The following EPAS1 variants were observed in gnomAD, a reference collection of about 807,000 sequenced individuals.
The protein encoded by EPAS1 is endothelial PAS domain protein 1, also known as endothelial PAS domain-containing protein 1.
In EPAS1, 23 loss-of-function variants were observed where a neutral mutation model predicts 87.9. That is an observed-to-expected ratio of 0.26 (90% CI 0.19 to 0.37). The LOEUF (loss-of-function observed/expected upper bound fraction) is 0.37, where lower values mean the gene tolerates loss of function less well. Ranked by LOEUF, EPAS1 falls within the 10% of genes least tolerant of loss-of-function variation. The pLI is 1.00. For synonymous variants in EPAS1, 508 were observed against 444.3 expected, an observed-to-expected ratio of 1.14 and a Z score of -1.80; for missense variants, 1,138 against 1,120.7, an observed-to-expected ratio of 1.02 and a Z score of -0.22.
chr2:46,335,716 G>T (rs1182742292), intron 1 of EPAS1: 1 of 151,758 alleles, frequency 6.6e-6, no homozygotes, highest in Non-Finnish European at 1.5e-5. Context: ...CCCACCTTAA[G>T]AGGAGCCGGA....
chr2:46,356,806 A>T lies in EPAS1; in HGVS notation c.452A>T (p.Asn151Ile). ...EEIRENLSLKNGSGFGKKSKD... is the reference protein window; with the variant it reads ...EEIRENLSLKIGSGFGKKSKD... The stretch of plus-strand genomic sequence containing the variant: ...ATTCGTGAGAACCTGAGTCTCAAAA[A>T]TGGTATCCTTAATTGTGTTTACTTC... Residue 151 changes from asparagine to isoleucine, a missense_variant and splice_region_variant, in exon 4 of 16, where the codon AAT (asparagine) becomes ATT (isoleucine). By Grantham distance (149) the Asn-to-Ile change is moderately radical (BLOSUM62 -3). Around this residue, in one of 4 missense-constraint regions of EPAS1, gnomAD observed 351 missense variants for 417.1 expected, o/e 0.84. Transcript: ENST00000263734. 1 of 1,611,362 alleles carries T rather than the reference A, an allele frequency of 6.2e-7. No individual in the cohort carries two copies. The highest frequency in any genetic ancestry group is 8.5e-7 in the Non-Finnish European group (1 of 1,177,466).
At chr2:46,381,419 G>T in intron 12 of EPAS1, 177 bp from the exon 13 acceptor site, 1 of 926,956 alleles carries the variant, frequency 1.1e-6, no homozygotes, top group South Asian at 1.5e-5. Flanking sequence ...GCTGAGGAAG[G>T]AGACAGAGCT....
intron 6 of EPAS1, among the ~76,000 whole-genome samples, chr2:46,361,617 C>T (rs527888391): frequency 2.0e-5 from 3 of 152,308 alleles, no homozygotes; most frequent in African/African-American, 4.8e-5. Flanking sequence ...AGATGCTAAC[C>T]CCCCAGTGCC....
intron 2 of EPAS1, among the ~76,000 whole-genome samples, chr2:46,350,126 A>C (rs6544888): frequency 0.58 from 88,503 of 152,108 alleles, 26,774 homozygotes; most frequent in East Asian, 0.87. Flanking sequence ...TATTAAATAT[A>C]GGCTTCTGGA....
chr2:46,313,736 C>T (rs547060774), intron 1 of EPAS1, among the ~76,000 whole-genome samples: 2 of 152,284 alleles, frequency 1.3e-5, no homozygotes, highest in South Asian at 4.2e-4. Context: ...CAGGCATGAG[C>T]CACGGTGACC....
At chr2:46,301,501 C>T (rs1316585129) in intron 1 of EPAS1, among the ~76,000 whole-genome samples, 4 of 150,808 alleles carry the variant, frequency 2.7e-5, no homozygotes, top group African/African-American at 4.9e-5. Flanking sequence ...TGCTTGAACC[C>T]GGGAGGTAGA....
At position 46,380,669 on chromosome 2, in the gene EPAS1, C is replaced by T. The variant is rs149676792; in HGVS notation, c.1997C>T (p.Pro666Leu). The change falls in exon 12 of 16, where the codon CCG becomes CTG. Residue 666 changes from proline to leucine, a missense_variant. By Grantham distance (98) the Pro-to-Leu change is moderately conservative. Around this residue, in one of 4 missense-constraint regions of EPAS1, gnomAD observed 502 missense variants for 427.1 expected, o/e 1.18. Transcript: ENST00000263734. The surrounding 1 kb of genome is among the most constrained non-coding windows in gnomAD (Gnocchi z 4.4). The stretch of plus-strand genomic sequence containing the variant: ...CGCACAGAGTTCTTGGGAGCAGCGC[C>T]GTTGGGGCCCCCTGTCTCTCCACCC... ...DQRTEFLGAA[P>L]LGPPVSPPHV... is the part of the protein sequence containing the mutation. 52 of 1,614,010 alleles carry T rather than the reference C, an allele frequency of 3.2e-5. No individual in the cohort carries two copies. In the African/African-American group the frequency reaches 4.4e-4, roughly 14 times the overall value.
intron 9 of EPAS1, 115 bp from the exon 10 acceptor site, chr2:46,377,779 C>G: frequency 2.6e-6 from 4 of 1,537,574 alleles, no homozygotes; most frequent in Non-Finnish European, 3.5e-6. Context: ...GGGCCTAGCC[C>G]CAGGCATGCC....
intron 1 of EPAS1, among the ~76,000 whole-genome samples, chr2:46,329,023 G>T (rs1683618926): frequency 6.6e-6 from 1 of 152,212 alleles, no homozygotes; most frequent in South Asian, 2.1e-4. Flanking sequence ...GAGCCTCTGG[G>T]AAAGTGCTCA....
intron 15 of EPAS1, among the ~76,000 whole-genome samples, chr2:46,382,893 G>C (rs1684933630): frequency 6.6e-6 from 1 of 152,042 alleles, no homozygotes; most frequent in South Asian, 2.1e-4. Context: ...AAAGAGGACT[G>C]AACACTGAAC....
intron 4 of EPAS1, among the ~76,000 whole-genome samples, chr2:46,359,258 A>AAAAAAAAAAAAAAAC (rs1491499553): frequency 1.2e-5 from 1 of 84,728 alleles, no homozygotes; most frequent in African/African-American, 5.6e-5. Context: ...ATTCTGTCTC[A>AAAAAAAAAAAAAAAC]AAAAAAAAAA....
At chr2:46,384,405 G>C (rs1684963719) in intron 15 of EPAS1, 104 bp from the exon 16 acceptor site, 3 of 1,514,380 alleles carry the variant, frequency 2.0e-6, no homozygotes. Flanking sequence ...GGAGCAGAGT[G>C]AAATTAGGGC....
chr2:46,361,900 C>T (rs1024067945), intron 6 of EPAS1, among the ~76,000 whole-genome samples: 6 of 152,188 alleles, frequency 3.9e-5, no homozygotes, highest in African/African-American at 1.4e-4. Flanking sequence ...CCCCCACCAG[C>T]CCTGCCTCTG....
In EPAS1 at chr2:46,356,141, C is replaced by CA; in HGVS notation, c.218-10_218-9insA. The CA allele has an allele frequency of 2.9e-6, 4 of 1,381,556 alleles. No homozygotes were observed. The African/African-American group carries it at 5.7e-5, about 20-fold the overall frequency. The allele number at this position is 1,381,556 out of a possible 1,614,324, so 85.6% of individuals were successfully genotyped here. On this transcript the variant is annotated splice_polypyrimidine_tract_variant and intron_variant, in intron 2 of 15. Transcript: ENST00000263734. The stretch of plus-strand genomic sequence containing the variant: ...TTCATGCAAGCTGTCCCACCCCCCC[C>CA]CCTTTCCAGTTTGCTCTGAAAACGA...
chr2:46,357,775 A>C (rs1221586272), intron 4 of EPAS1, among the ~76,000 whole-genome samples: 1 of 152,236 alleles, frequency 6.6e-6, no homozygotes, highest in Admixed American at 6.5e-5. Flanking sequence ...GACCTTACCC[A>C]TGGGGATACC....
intron 6 of EPAS1, among the ~76,000 whole-genome samples, chr2:46,364,378 A>G (rs1384092737): frequency 6.6e-6 from 1 of 152,258 alleles, no homozygotes; most frequent in Admixed American, 6.5e-5. Context: ...CACAGACACA[A>G]TCAAGCAAAA....
intron 1 of EPAS1, among the ~76,000 whole-genome samples, chr2:46,324,811 T>C (rs566526619): frequency 6.6e-6 from 1 of 152,360 alleles, no homozygotes; most frequent in African/African-American, 2.4e-5. Context: ...TTGTTAAATG[T>C]TGAGAATAGA....
At chr2:46,340,877 C>T (rs139763681) in intron 1 of EPAS1, among the ~76,000 whole-genome samples, 214 of 152,044 alleles carry the variant, frequency 1.4e-3, no homozygotes, top group African/African-American at 4.8e-3. Flanking sequence ...TGTGTGCCAC[C>T]GTGCCCAGCT....
rs1419934513 is a variant in EPAS1, at chr2:46,371,667, G to A, written c.886+1734G>A. Among the ~76,000 whole-genome samples the A allele has an allele frequency of 2.0e-5, 3 of 152,166 alleles. No individual in the cohort carries two copies. The highest frequency in any genetic ancestry group is 7.2e-5 in the African/African-American group (3 of 41,422). Reference sequence around the variant, plus strand: ...CTTCATGCTTCCTGGTCCCTGAGGGGTTCCTGTTTTCAAAGGCAGGTGACA... The same window carrying A: ...CTTCATGCTTCCTGGTCCCTGAGGGATTCCTGTTTTCAAAGGCAGGTGACA... On this transcript the variant is annotated intron_variant, in intron 7 of 15. Transcript: ENST00000263734. This position sits in a 1 kb window ranked among gnomAD's most constrained non-coding sequence, Gnocchi z 4.3.
Sources: gnomAD v4.1 joint callset for allele counts (sites outside exome capture counted in the v4.1 genomes callset) on GRCh38, gnomAD v4.1.1 for gene constraint, gnomAD v4.1.1 regional missense constraint, Gnocchi (gnomAD v3.1) non-coding constraint, MANE v1.5 for transcripts, NCBI Gene and HGNC (gene_info 2026-07-23, HGNC 2026-07-21) for gene names.